ATG3: variants seen among roughly 807,000 people sequenced by gnomAD.
ATG3 encodes the protein autophagy related 3.
Under a neutral mutation model 50.7 loss-of-function variants are expected in ATG3, and 25 were observed. The ratio of observed to expected loss-of-function variants is 0.49; its 90% CI spans 0.36 to 0.69. ATG3 has a LOEUF of 0.69. ATG3 is among the 30% of genes least tolerant of loss of function. ATG3 has a pLI of 0.00. For missense variants in ATG3, 281 were observed against 376.0 expected (o/e 0.75, Z 2.09); for synonymous variants, 119 against 125.5 (o/e 0.95, Z 0.34).
intron 3 of ATG3, among the ~76,000 whole-genome samples, 199 bp from the exon 4 acceptor site, chr3:112,550,461 C>T (rs2107383867): frequency 6.6e-6 from 1 of 152,194 alleles, no homozygotes; most frequent in East Asian, 1.9e-4. Flanking sequence ...CTAAGTGAAA[C>T]ATACTAAGAG....
chr3:112,543,592 T>A (rs887989395), intron 6 of ATG3, among the ~76,000 whole-genome samples: 1 of 152,144 alleles, frequency 6.6e-6, no homozygotes, highest in Non-Finnish European at 1.5e-5. Flanking sequence ...AGAGAATGAT[T>A]AAATTGCTTA....
chr3:112,556,437 TC>T (rs1391838312), intron 2 of ATG3, among the ~76,000 whole-genome samples: 1 of 150,306 alleles, frequency 6.7e-6, no homozygotes, highest in Non-Finnish European at 1.5e-5. Flanking sequence ...AGCCGCCCCG[TC>T]CGGGAGGTGA....
intron 9 of ATG3, chr3:112,537,510 A>C (rs1933102897): frequency 2.8e-6 from 1 of 352,442 alleles, no homozygotes; most frequent in South Asian, 1.1e-4. Context: ...AGGAATATGT[A>C]ATAGATTATT....
At chr3:112,533,880 G>A (rs1201697440) in intron 11 of ATG3, 2 of 1,010,212 alleles carry the variant, frequency 2.0e-6, no homozygotes, top group Middle Eastern at 4.8e-4. Context: ...TAACGTATTT[G>A]TTTAAGCTGA....
At chr3:112,550,442 AAC>A (rs1486859773) in intron 3 of ATG3, among the ~76,000 whole-genome samples, 180 bp from the exon 4 acceptor site, 1 of 152,230 alleles carries the variant, frequency 6.6e-6, no homozygotes, top group African/African-American at 2.4e-5. Context: ...AGAAAAGCAC[AAC>A]AATAATCTAA....
At chr3:112,544,658 G>GAAAAA (rs576984897) in intron 5 of ATG3, among the ~76,000 whole-genome samples, 16,909 of 64,206 alleles carry the variant, frequency 0.26, 3,825 homozygotes, top group African/African-American at 0.55. Context: ...CCGTCTCAGG[G>GAAAAA]AAAAAAAAAA....
chr3:112,548,875 T>C (rs1219454417), intron 4 of ATG3, among the ~76,000 whole-genome samples: 7 of 152,232 alleles, frequency 4.6e-5, no homozygotes, highest in East Asian at 1.9e-4. Flanking sequence ...AAAAGCTCTA[T>C]TGGGAATGTT....
chr3:112,556,050 T>C (rs1202235466), intron 2 of ATG3, among the ~76,000 whole-genome samples: 1 of 150,778 alleles, frequency 6.6e-6, no homozygotes, highest in Non-Finnish European at 1.5e-5. Flanking sequence ...TGATTTCAGA[T>C]AAAGAGCCAT....
intron 7 of ATG3, among the ~76,000 whole-genome samples, chr3:112,540,526 G>A (rs1933196950): frequency 2.0e-5 from 3 of 151,822 alleles, no homozygotes; most frequent in East Asian, 1.9e-4. Context: ...ACAAAGTACT[G>A]GATGTAATTT....
chr3:112,533,776 T>C lies in ATG3; in HGVS notation c.863+493A>G, dbSNP rs547073701. The C allele has an allele frequency of 3.0e-6, 3 of 985,308 alleles. No homozygotes were observed. In the African/African-American group the frequency reaches 5.2e-5, roughly 17 times the overall value. The allele number at this position is 985,308 out of a possible 1,614,324, so 61.0% of individuals were successfully genotyped here. A position where few individuals can be genotyped will look rare whatever the true frequency, so the allele number is the denominator to read the frequency against. ...AGAAAACTGAGTAGGAAAACTATAG[T>C]AAGATACAAGAAAGGTGCTACTGTC... On this transcript the variant is annotated intron_variant, in intron 11 of 11. Transcript: ENST00000283290.
intron 7 of ATG3, among the ~76,000 whole-genome samples, chr3:112,540,754 AAG>A (rs1265812524): frequency 1.3e-5 from 2 of 152,156 alleles, no homozygotes; most frequent in African/African-American, 4.8e-5. Context: ...TATAGAAACC[AAG>A]AGAGAAAAAA....
intron 7 of ATG3, among the ~76,000 whole-genome samples, chr3:112,540,053 T>C (rs1321652578): frequency 2.0e-5 from 3 of 152,204 alleles, no homozygotes; most frequent in African/African-American, 7.2e-5. Flanking sequence ...GAAATACATC[T>C]GAAGTTGAGA....
rs571726793 is a variant in ATG3, at chr3:112,548,573, A to T, written c.303T>A (p.Asp101Glu). The T allele has an allele frequency of 7.5e-5, 121 of 1,613,948 alleles. No individual in the cohort carries two copies. In the South Asian group the frequency reaches 9.1e-4, roughly 12 times the overall value. ...TATCTACCCATCCGCCATCACCATC[A>T]TCTTCTTCAATGATAGCTTCCAATT... Reference protein sequence around the residue: ...SDELEAIIEEDDGDGGWVDTY... With the variant: ...SDELEAIIEEEDGDGGWVDTY... The change falls in exon 5 of 12, where the codon GAT (aspartate) becomes GAA (glutamate). Residue 101 changes from aspartate (D) to glutamate (E), a missense_variant. Transcript: ENST00000283290.
chr3:112,545,385 T>C (rs975717444), intron 5 of ATG3, among the ~76,000 whole-genome samples: 4 of 152,326 alleles, frequency 2.6e-5, no homozygotes, highest in South Asian at 2.1e-4. Flanking sequence ...ATAAGAAATA[T>C]AGTAAAACAA....
Position 112,547,574 on chromosome 3 carries a change from T to C in ATG3, c.343+959A>G, listed in dbSNP as rs529085884. Among the ~76,000 whole-genome samples the C allele has an allele frequency of 1.8e-3, 273 of 152,380 alleles. 1 individual carries two copies. Among genetic ancestry groups the C allele is most frequent in the Non-Finnish European group, 2.9e-3 (197 of 68,046 alleles). On this transcript the variant is annotated intron_variant, in intron 5 of 11. Transcript: ENST00000283290. ...CTTCAGCAGCATATGATAATATGCATGTACATAGTTATATAAATATAGTGG... is the reference window on the plus strand; with the variant it reads ...CTTCAGCAGCATATGATAATATGCACGTACATAGTTATATAAATATAGTGG...
chr3:112,558,518 A>G lies in ATG3; in HGVS notation c.73-101T>C, dbSNP rs1328084129. ...TGCCTGGTGCCCTTCTAGGCAATAG[A>G]GCACATACAAAAAAAAATTAGTCTA... On this transcript the variant is annotated intron_variant, in intron 1 of 11. Transcript: ENST00000283290. 4.5e-6 allele frequency: 4 copies of G among 888,496 alleles called. No homozygotes were observed. The African/African-American group carries it at 6.8e-5, about 15-fold the overall frequency. 55.0% of individuals were successfully genotyped at this position (888,496 alleles called of 1,614,324 possible).
rs1237160930 is a variant in ATG3, at chr3:112,561,927, C to A, written c.-399G>T. ...CTTCCCTTCCTTCTCACTCTCTTGC[C>A]GTAGCTGCGCCGCCACCGGGGCCTC... is the stretch of plus-strand genomic sequence containing the variant. On this transcript the variant is annotated 5_prime_UTR_variant, in exon 1 of 12. Transcript: ENST00000283290. 4 of 222,874 alleles carry A rather than the reference C, an allele frequency of 1.8e-5. No homozygotes were observed. Among genetic ancestry groups the A allele is most frequent in the Non-Finnish European group, 3.6e-5 (4 of 111,864 alleles). The allele number at this position is 222,874 out of a possible 1,614,324, so 13.8% of individuals were successfully genotyped here. A position where few individuals can be genotyped will look rare whatever the true frequency, so the allele number is the denominator to read the frequency against.
chr3:112,558,131 T>A (rs1933739278), intron 2 of ATG3: 1 of 480,826 alleles, frequency 2.1e-6, no homozygotes, highest in African/African-American at 2.0e-5. Context: ...CTCATTTTGA[T>A]CCCTTCTTTC....
chr3:112,557,799 AGTG>A (rs1415623188), intron 2 of ATG3, among the ~76,000 whole-genome samples: 1 of 151,920 alleles, frequency 6.6e-6, no homozygotes. Context: ...ATTGCCAAAA[AGTG>A]GTGTTTTCAT....
Sources: allele counts gnomAD v4.1 joint callset (sites outside exome capture counted in the v4.1 genomes callset), GRCh38; gene constraint gnomAD v4.1.1; transcripts MANE v1.5; gene names NCBI Gene and HGNC (gene_info 2026-07-23, HGNC 2026-07-21).